Variants in ZFAND5 observed in about 807,000 individuals in gnomAD.
The protein encoded by ZFAND5 is AN1-type zinc finger protein 5.
In ZFAND5, 4 loss-of-function variants were observed where a neutral mutation model predicts 23.6. The ratio of observed to expected loss-of-function variants is 0.17; its 90% CI spans 0.08 to 0.39. The LOEUF is 0.39. ZFAND5 is among the 10% of genes least tolerant of loss of function. The pLI, the probability that ZFAND5 is intolerant of heterozygous loss-of-function variation, is 1.00. For missense variants in ZFAND5, 161 were observed against 253.7 expected (o/e 0.63, Z 2.48); for synonymous variants, 68 against 80.6 (o/e 0.84, Z 0.84).
In ZFAND5 at chr9:72,355,774, T is replaced by C. The variant is rs1487287029; in HGVS notation, c.*179A>G. ...GCATATACATTTGTAGGGCTGTATCTATCCAATTCTGCCTGTAACAAACAC... is the reference window on the plus strand; with the variant it reads ...GCATATACATTTGTAGGGCTGTATCCATCCAATTCTGCCTGTAACAAACAC... On this transcript the variant is annotated 3_prime_UTR_variant, in exon 7 of 7. Transcript: ENST00000376962. The C allele has an allele frequency of 1.8e-6, 1 of 568,988 alleles. No individual in the cohort carries two copies. The highest frequency in any genetic ancestry group is 3.5e-5 in the Admixed American group (1 of 28,448). The allele number at this position is 568,988 out of a possible 1,614,324, so 35.2% of individuals were successfully genotyped here.
At chr9:72,357,528 C>T (rs1841978210) in intron 5 of ZFAND5, among the ~76,000 whole-genome samples, 1 of 152,074 alleles carries the variant, frequency 6.6e-6, no homozygotes, top group East Asian at 1.9e-4. Context: ...ATAAAAACAG[C>T]AAATTTTGAC....
chr9:72,358,637 G>A (rs570977448), intron 5 of ZFAND5, among the ~76,000 whole-genome samples: 2 of 152,076 alleles, frequency 1.3e-5, no homozygotes, highest in Middle Eastern at 3.2e-3. Flanking sequence ...TTGAGAATTT[G>A]GCCTTAACTT....
At chr9:72,359,987 TAAAAGAC>T in intron 4 of ZFAND5, 116 bp downstream of exon 4, 1 of 742,672 alleles carries the variant, frequency 1.3e-6, no homozygotes, top group Non-Finnish European at 2.2e-6. Context: ...AGTCATGTAT[TAAAAGAC>T]ACTGAAATCC....
At position 72,360,668 on chromosome 9, in the gene ZFAND5, A is replaced by G. The variant is rs1287984167; in HGVS notation, c.111T>C (p.His37=). ...NGMCSVCYKE[H]LQRQQNSGRM... ...TGCCACTATTTTGCTGCCTCTGAAG[A>G]TGTTCTTTGTAGCAAACTGAACACA... The change falls in exon 3 of 7, where the codon CAT becomes CAC. Residue 37 remains histidine, a synonymous_variant. Coordinates refer to ENST00000376962, the MANE Select transcript of ZFAND5 (RefSeq NM_001102420.3). 2 of 1,613,996 alleles carry G rather than the reference A, an allele frequency of 1.2e-6. No individual in the cohort carries two copies. The highest frequency in any genetic ancestry group is 2.2e-5 in the South Asian group (2 of 91,076).
chr9:72,361,275 T>C (rs2809271), intron 2 of ZFAND5, among the ~76,000 whole-genome samples: 1 of 152,240 alleles, frequency 6.6e-6, no homozygotes, highest in South Asian at 2.1e-4. Context: ...ATCAGTAATT[T>C]GACAAATCTG....
chr9:72,356,847 G>C lies in ZFAND5; in HGVS notation c.493+84C>G. 2.2e-6 allele frequency: 3 copies of C among 1,377,946 alleles called. 1 individual carries two copies. In the South Asian group the frequency reaches 4.5e-5, roughly 20 times the overall value. 85.4% of individuals were successfully genotyped at this position (1,377,946 alleles called of 1,614,324 possible). A position where few individuals can be genotyped will look rare whatever the true frequency, so the allele number is the denominator to read the frequency against. ...GCTTTTTTTTTTTTTTTATGTGTAA[G>C]ACCAACTAGTCTCTTAGGGAGTGAC... is the stretch of plus-strand genomic sequence containing the variant. On this transcript the variant is annotated intron_variant, in intron 6 of 6. Transcript: ENST00000376962.
rs1467831835 is a variant in ZFAND5 at position 72,352,758 on chromosome 9, T to A, written c.*3195A>T. 6.6e-6 allele frequency: 1 copy of A among 152,242 alleles called. No homozygotes were observed. Among genetic ancestry groups the A allele is most frequent in the African/African-American group, 2.4e-5 (1 of 41,458 alleles). 9.4% of individuals were successfully genotyped at this position (152,242 alleles called of 1,614,324 possible). On this transcript the variant is annotated 3_prime_UTR_variant, in exon 7 of 7. Coordinates refer to ENST00000376962, the MANE Select transcript of ZFAND5 (RefSeq NM_001102420.3). ...TTTTCTTCCCAAGTTATGGAAACCA[T>A]TATTCCAGAACATTAAGACAATAGC...
At position 72,353,734 on chromosome 9, in the gene ZFAND5, TCTTA is replaced by T. The variant is rs972658040; in HGVS notation, c.*2215_*2218del. The stretch of plus-strand genomic sequence containing the variant: ...GCTCATCTTACCTTCTCTATACCAC[TCTTA>T]CTTCCATTTTTAACTTGAAAAATTA... On this transcript the variant is annotated 3_prime_UTR_variant, in exon 7 of 7. Coordinates refer to ENST00000376962, the MANE Select transcript of ZFAND5 (RefSeq NM_001102420.3). The T allele has an allele frequency of 6.7e-5, 1 of 14,828 alleles. No homozygotes were observed. Among genetic ancestry groups the T allele is most frequent in the African/African-American group, 7.2e-5 (1 of 13,826 alleles). The allele number at this position is 14,828 out of a possible 1,614,324, so 0.9% of individuals were successfully genotyped here. A position where few individuals can be genotyped will look rare whatever the true frequency, so the allele number is the denominator to read the frequency against.
In ZFAND5 at chr9:72,351,499, AAC is replaced by A. The variant is rs1272397362; in HGVS notation, c.*4452_*4453del. 1 of 152,210 alleles carries A rather than the reference AAC, an allele frequency of 6.6e-6. No individual in the cohort carries two copies. Among genetic ancestry groups the A allele is most frequent in the East Asian group, 1.9e-4 (1 of 5,198 alleles). 9.4% of individuals were successfully genotyped at this position (152,210 alleles called of 1,614,324 possible). On this transcript the variant is annotated 3_prime_UTR_variant, in exon 7 of 7. Transcript: ENST00000376962. ...GAAATACTCTGGAAGAAAACACAGA[AAC>A]AGTCTTTGCTTTTATATAAATTTAA...
At chr9:72,362,002 G>A (rs1345251988) in intron 2 of ZFAND5, among the ~76,000 whole-genome samples, 2 of 152,162 alleles carry the variant, frequency 1.3e-5, no homozygotes, top group Non-Finnish European at 2.9e-5. Context: ...TAGAAGATGG[G>A]AGAAGGGGAC....
chr9:72,364,389 G>A, intron 1 of ZFAND5: 2 of 1,180,728 alleles, frequency 1.7e-6, no homozygotes, highest in Non-Finnish European at 2.1e-6. Flanking sequence ...TGCCCACGCC[G>A]GGCGCCGCCG....
At chr9:72,362,472 T>C (rs1176733279) in intron 2 of ZFAND5, among the ~76,000 whole-genome samples, 1 of 152,226 alleles carries the variant, frequency 6.6e-6, no homozygotes, top group Non-Finnish European at 1.5e-5. Context: ...TCATGTGACA[T>C]TGGCTTTAAA....
In ZFAND5 at chr9:72,353,867, T is replaced by G. The variant is rs762378552; in HGVS notation, c.*2086A>C. 2 of 152,176 alleles carry G rather than the reference T, an allele frequency of 1.3e-5. No individual in the cohort carries two copies. Among genetic ancestry groups the G allele is most frequent in the Non-Finnish European group, 2.9e-5 (2 of 68,032 alleles). The allele number at this position is 152,176 out of a possible 1,614,324, so 9.4% of individuals were successfully genotyped here. On this transcript the variant is annotated 3_prime_UTR_variant, in exon 7 of 7. Transcript: ENST00000376962. ...GTCAGTATAGGAACTTTGACATACATATGTACCTCCCTAACTTGAAGCAAA... is the reference window on the plus strand; with the variant it reads ...GTCAGTATAGGAACTTTGACATACAGATGTACCTCCCTAACTTGAAGCAAA...
At chr9:72,357,427 T>G (rs1034896287) in intron 5 of ZFAND5, among the ~76,000 whole-genome samples, 4 of 152,334 alleles carry the variant, frequency 2.6e-5, no homozygotes, top group Non-Finnish European at 5.9e-5. Context: ...ATGCAAACTT[T>G]TCAATCAGGG....
intron 6 of ZFAND5, 23 bp from the exon 7 acceptor site, chr9:72,356,124 T>G (rs1439683850): frequency 1.3e-6 from 2 of 1,589,108 alleles, no homozygotes; most frequent in African/African-American, 2.7e-5. Context: ...AGAAGTAGAG[T>G]CATTTGAGAA....
intron 1 of ZFAND5, chr9:72,364,279 C>G: frequency 1.7e-6 from 1 of 602,272 alleles, no homozygotes; most frequent in East Asian, 1.4e-4. Flanking sequence ...ACCCCCGACC[C>G]CCGACCCCGA....
rs899551686 is a variant in ZFAND5 at position 72,363,255 on chromosome 9, G to T, written c.-10+215C>A. ...CTATTTATTGCCTTTAAAGTAATTAGCAACTTGAGCATGCACGTGTCAGCT... is the reference window on the plus strand; with the variant it reads ...CTATTTATTGCCTTTAAAGTAATTATCAACTTGAGCATGCACGTGTCAGCT... On this transcript the variant is annotated intron_variant, in intron 2 of 6. Coordinates refer to ENST00000376962, the MANE Select transcript of ZFAND5 (RefSeq NM_001102420.3). Among the ~76,000 whole-genome samples, 42 of 152,158 alleles carry T rather than the reference G, an allele frequency of 2.8e-4. 1 individual carries two copies. The highest frequency in any genetic ancestry group is 2.9e-5 in the Non-Finnish European group (2 of 68,022).
rs202104279 is a variant in ZFAND5, at chr9:72,354,744, T to TAA, written c.*1207_*1208dup. ...AACACTAACTATACTCATTTATATA[T>TAA]AAAAAACACAAGTTTCATACATCAC... On this transcript the variant is annotated 3_prime_UTR_variant, in exon 7 of 7. Coordinates refer to ENST00000376962, the MANE Select transcript of ZFAND5 (RefSeq NM_001102420.3). 2 of 152,446 alleles carry TAA rather than the reference T, an allele frequency of 1.3e-5. No homozygotes were observed. Among genetic ancestry groups the TAA allele is most frequent in the African/African-American group, 4.8e-5 (2 of 41,432 alleles). The allele number at this position is 152,446 out of a possible 1,614,324, so 9.4% of individuals were successfully genotyped here.
intron 1 of ZFAND5, 106 bp downstream of exon 1, chr9:72,364,590 C>T (rs2131990466): frequency 8.1e-7 from 1 of 1,241,950 alleles, no homozygotes; most frequent in Admixed American, 2.6e-5. Context: ...CCATCCGCGG[C>T]CTGCTCCGGC....
Sources: gnomAD v4.1 joint callset for allele counts (sites outside exome capture counted in the v4.1 genomes callset) on GRCh38, gnomAD v4.1.1 for gene constraint, MANE v1.5 for transcripts, NCBI Gene and HGNC (gene_info 2026-07-23, HGNC 2026-07-21) for gene names.